The following MARCHF4 variants were observed in gnomAD, a reference collection of about 807,000 sequenced individuals.
The protein encoded by MARCHF4 is E3 ubiquitin-protein ligase MARCHF4.
A neutral mutation model predicts 43.9 loss-of-function variants in MARCHF4; 14 were observed. The observed-to-expected ratio is 0.32, with a 90% CI of 0.21 to 0.50. The LOEUF is 0.50. Ranked by LOEUF, MARCHF4 falls within the 20% of genes least tolerant of loss-of-function variation. MARCHF4 has a pLI of 0.98. For synonymous variants in MARCHF4, 226 were observed against 213.3 expected, an observed-to-expected ratio of 1.06 and a Z score of -0.52; for missense variants, 468 against 536.7, an observed-to-expected ratio of 0.87 and a Z score of 1.27.
rs115274740 is a variant in MARCHF4 at position 216,359,247 on chromosome 2, A to G, written c.516+10498T>C. 5.5e-3 allele frequency among the ~76,000 whole-genome samples: 845 copies of G among 152,320 alleles called. 8 individuals carry two copies. Among genetic ancestry groups the G allele is most frequent in the African/African-American group, 0.019 (796 of 41,576 alleles). ...AGAGGCATCCCTTCCTACCTCTGCCATGGGTGACACATGCCTCTTCTTTCC... is the reference window on the plus strand; with the variant it reads ...AGAGGCATCCCTTCCTACCTCTGCCGTGGGTGACACATGCCTCTTCTTTCC... On this transcript the variant is annotated intron_variant, in intron 1 of 3. Coordinates refer to ENST00000273067, the MANE Select transcript of MARCHF4 (RefSeq NM_020814.3).
At chr2:216,329,596 G>T (rs1692052655) in intron 1 of MARCHF4, among the ~76,000 whole-genome samples, 1 of 149,992 alleles carries the variant, frequency 6.7e-6, no homozygotes, top group South Asian at 2.1e-4. Context: ...AGGCAAGAAA[G>T]GAGAGAAAAT....
chr2:216,357,849 T>C lies in MARCHF4; in HGVS notation c.516+11896A>G, dbSNP rs146448178. ...ATACTTTTGAAAAATAGTAAGTATA[T>C]CTGTGAGATCATTTTATTTAGCTAC... On this transcript the variant is annotated intron_variant, in intron 1 of 3. Coordinates refer to ENST00000273067, the MANE Select transcript of MARCHF4 (RefSeq NM_020814.3). Among the ~76,000 whole-genome samples, 830 of 152,346 alleles carry C rather than the reference T, an allele frequency of 5.4e-3. 8 individuals are homozygous for C. Among genetic ancestry groups the C allele is most frequent in the African/African-American group, 0.019 (786 of 41,564 alleles).
chr2:216,352,013 T>G (rs755001339), intron 1 of MARCHF4, among the ~76,000 whole-genome samples: 1 of 152,200 alleles, frequency 6.6e-6, no homozygotes, highest in African/African-American at 2.4e-5. Context: ...CTATGGGGTA[T>G]GTGCTGCATT....
chr2:216,367,323 C>T (rs62178562), intron 1 of MARCHF4, among the ~76,000 whole-genome samples: 11,771 of 151,862 alleles, frequency 0.078, 669 homozygotes, highest in South Asian at 0.24. Context: ...CTCCCTCCTC[C>T]TCCTCCTTCT....
At chr2:216,284,069 G>T (rs542552395) in intron 1 of MARCHF4, among the ~76,000 whole-genome samples, 4 of 152,190 alleles carry the variant, frequency 2.6e-5, no homozygotes, top group African/African-American at 9.7e-5. Flanking sequence ...AAGTGTCTCC[G>T]TAAAGGCTCA....
chr2:216,354,243 C>T lies in MARCHF4; in HGVS notation c.516+15502G>A, dbSNP rs1317383830. On this transcript the variant is annotated intron_variant, in intron 1 of 3. Coordinates refer to ENST00000273067, the MANE Select transcript of MARCHF4 (RefSeq NM_020814.3). The stretch of plus-strand genomic sequence containing the variant: ...AATTTGAAATGCGGTGAGAGAGAGA[C>T]AGGATTAGGCTGAGTAGGAAGGAAC... 2.4e-4 allele frequency among the ~76,000 whole-genome samples: 37 copies of T among 152,182 alleles called. 1 individual carries two copies. The highest frequency in any genetic ancestry group is 2.4e-3 in the Admixed American group (36 of 15,284).
At chr2:216,305,346 C>G (rs1044341823) in intron 1 of MARCHF4, among the ~76,000 whole-genome samples, 4 of 152,176 alleles carry the variant, frequency 2.6e-5, no homozygotes, top group Admixed American at 2.0e-4. Context: ...TGTACCAGGT[C>G]TGTCTGAATG....
At chr2:216,351,301 A>G (rs1307795983) in intron 1 of MARCHF4, 4 of 152,702 alleles carry the variant, frequency 2.6e-5, no homozygotes, top group African/African-American at 7.2e-5. Flanking sequence ...TGGAGAAAGG[A>G]CATGAAAGTT....
chr2:216,313,336 C>T (rs372575759), intron 1 of MARCHF4, among the ~76,000 whole-genome samples: 44 of 152,132 alleles, frequency 2.9e-4, no homozygotes, highest in African/African-American at 9.4e-4. Context: ...TTTTAAGTTG[C>T]ATTCCTTTGA....
At chr2:216,340,164 C>T (rs922491059) in intron 1 of MARCHF4, among the ~76,000 whole-genome samples, 3 of 152,190 alleles carry the variant, frequency 2.0e-5, no homozygotes, top group Non-Finnish European at 4.4e-5. Context: ...CATCCAATCC[C>T]TGGAGCTTTT....
At chr2:216,325,487 A>G (rs956013477) in intron 1 of MARCHF4, among the ~76,000 whole-genome samples, 2 of 152,134 alleles carry the variant, frequency 1.3e-5, no homozygotes, top group African/African-American at 4.8e-5. Context: ...TATGGAACCA[A>G]AAAAGAGCCC....
intron 1 of MARCHF4, 114 bp from the exon 2 acceptor site, chr2:216,283,843 G>T: frequency 8.6e-7 from 1 of 1,158,948 alleles, no homozygotes; most frequent in Non-Finnish European, 1.2e-6. Flanking sequence ...GTAGGCCACA[G>T]GCTTTGTTTG....
rs141766924 is a variant in MARCHF4 at position 216,319,014 on chromosome 2, A to G, written c.517-35285T>C. Reference sequence around the variant, plus strand: ...GGAATATGAAATATATTTACCTTAAAACAAATCTACCTGCCGGGTGCGGTG... The same window carrying G: ...GGAATATGAAATATATTTACCTTAAGACAAATCTACCTGCCGGGTGCGGTG... On this transcript the variant is annotated intron_variant, in intron 1 of 3. Transcript: ENST00000273067. Among the ~76,000 whole-genome samples, 16 of 152,252 alleles carry G rather than the reference A, an allele frequency of 1.1e-4. No individual in the cohort carries two copies. In the East Asian group the frequency reaches 3.1e-3, roughly 29 times the overall value.
intron 1 of MARCHF4, among the ~76,000 whole-genome samples, chr2:216,285,543 C>T (rs1314032099): frequency 2.0e-5 from 3 of 152,158 alleles, no homozygotes; most frequent in South Asian, 2.1e-4. Flanking sequence ...GCTGAATGCA[C>T]GCATATCTGT....
chr2:216,345,524 A>C (rs1692306207), intron 1 of MARCHF4, among the ~76,000 whole-genome samples: 1 of 152,094 alleles, frequency 6.6e-6, no homozygotes. Context: ...TGGGATTTGC[A>C]ACCCTGTCTG....
chr2:216,297,952 G>A (rs1691423411), intron 1 of MARCHF4, among the ~76,000 whole-genome samples: 2 of 152,156 alleles, frequency 1.3e-5, no homozygotes, highest in South Asian at 4.1e-4. Flanking sequence ...CTTTTGCCAT[G>A]CTTTTTAGGC....
rs575579529 is a variant in MARCHF4 at position 216,355,735 on chromosome 2, T to C, written c.516+14010A>G. 2.0e-5 allele frequency among the ~76,000 whole-genome samples: 3 copies of C among 152,378 alleles called. No homozygotes were observed. In the South Asian group the frequency reaches 6.2e-4, roughly 32 times the overall value. The stretch of plus-strand genomic sequence containing the variant: ...TTGCACAGAATGTCTGCATTGACTT[T>C]GCAAAGACCAGACCCTCTGGGTTCT... On this transcript the variant is annotated intron_variant, in intron 1 of 3. Coordinates refer to ENST00000273067, the MANE Select transcript of MARCHF4 (RefSeq NM_020814.3).
chr2:216,305,834 C>T (rs1428805794), intron 1 of MARCHF4, among the ~76,000 whole-genome samples: 1 of 152,138 alleles, frequency 6.6e-6, no homozygotes, highest in Admixed American at 6.5e-5. Context: ...GTACTCAGCC[C>T]GTCGGAGGAA....
chr2:216,304,365 T>A (rs948986094), intron 1 of MARCHF4, among the ~76,000 whole-genome samples: 1 of 152,134 alleles, frequency 6.6e-6, no homozygotes, highest in Admixed American at 6.5e-5. Context: ...AATTATGACT[T>A]CACAGGATAT....
Sources: allele counts gnomAD v4.1 joint callset (sites outside exome capture counted in the v4.1 genomes callset), GRCh38; gene constraint gnomAD v4.1.1; transcripts MANE v1.5; gene names NCBI Gene and HGNC (gene_info 2026-07-23, HGNC 2026-07-21).